C4BPA: variants seen among roughly 807,000 people sequenced by gnomAD.
The protein encoded by C4BPA is C4b-binding protein alpha chain.
C4BPA carries 31 observed loss-of-function variants against 63.7 expected under a neutral mutation model. The observed-to-expected ratio is 0.49, with a 90% CI of 0.37 to 0.66. The LOEUF is 0.66. C4BPA is among the 30% of genes least tolerant of loss of function. The pLI is 0.00. For missense variants in C4BPA, 572 were observed against 723.3 expected (o/e 0.79, Z 2.40); for synonymous variants, 259 against 254.7 (o/e 1.02, Z -0.16).
chr1:207,121,419 T>C (rs1558090619), intron 4 of C4BPA, among the ~76,000 whole-genome samples: 2 of 148,850 alleles, frequency 1.3e-5, no homozygotes, highest in East Asian at 2.0e-4. Flanking sequence ...GTCCAACTTA[T>C]GGGATATTAA....
chr1:207,105,777 T>C (rs1684547993), intron 1 of C4BPA, among the ~76,000 whole-genome samples: 1 of 152,164 alleles, frequency 6.6e-6, no homozygotes, highest in Non-Finnish European at 1.5e-5. Flanking sequence ...AAAAAGTAAC[T>C]TCTCATGGAA....
intron 10 of C4BPA, 49 bp from the exon 11 acceptor site, chr1:207,143,769 T>G (rs1365292974): frequency 1.6e-6 from 2 of 1,285,130 alleles, no homozygotes; most frequent in Non-Finnish European, 2.3e-6. Flanking sequence ...TGTTATCATG[T>G]CCTTCTTCAT....
intron 2 of C4BPA, among the ~76,000 whole-genome samples, 158 bp downstream of exon 2, chr1:207,113,325 C>T (rs1448118354): frequency 6.6e-6 from 1 of 152,206 alleles, no homozygotes; most frequent in African/African-American, 2.4e-5. Context: ...GGGAAATTTG[C>T]TTTACACATA....
At chr1:207,120,804 C>A (rs1462933266) in intron 4 of C4BPA, among the ~76,000 whole-genome samples, 5 of 152,152 alleles carry the variant, frequency 3.3e-5, no homozygotes, top group Non-Finnish European at 7.4e-5. Context: ...GCTATATACA[C>A]ATCAGATTTA....
intron 10 of C4BPA, 47 bp downstream of exon 10, chr1:207,141,323 TC>T: frequency 6.7e-7 from 1 of 1,483,038 alleles, no homozygotes; most frequent in Non-Finnish European, 9.2e-7. Flanking sequence ...GGTGGACGTG[TC>T]CTGAGAGCAC....
chr1:207,141,867 T>C (rs1048147191), intron 10 of C4BPA, among the ~76,000 whole-genome samples: 1 of 152,110 alleles, frequency 6.6e-6, no homozygotes, highest in African/African-American at 2.4e-5. Context: ...AAAACTTCAG[T>C]ATTTATTTGC....
intron 10 of C4BPA, among the ~76,000 whole-genome samples, chr1:207,143,540 T>A (rs1031536999): frequency 3.3e-4 from 50 of 152,104 alleles, no homozygotes; most frequent in African/African-American, 1.1e-3. Flanking sequence ...TGAGCAAGTG[T>A]CTTAATGTAT....
rs141497046 is a variant in C4BPA, at chr1:207,143,988, G to C, written c.1615G>C (p.Glu539Gln). The change falls in exon 11 of 12, where the codon GAG (glutamate) becomes CAG (glutamine). Residue 539 changes from glutamate (E) to glutamine (Q), a missense_variant. Around this residue, in one of 2 missense-constraint regions of C4BPA, gnomAD observed 465 missense variants for 629.4 expected, o/e 0.74. Coordinates refer to ENST00000367070, the MANE Select transcript of C4BPA (RefSeq NM_000715.4). ...CTGGTACCCAGAGGTGCCCAAGTGT[G>C]AGTGGGTAAGTGGCACAATTCAAGG... The part of the protein sequence containing the change: ...RTWYPEVPKC[E>Q]WETPEGCEQV... The C allele has an allele frequency of 4.0e-4, 636 of 1,571,112 alleles. 3 individuals carry two copies. Among genetic ancestry groups the C allele is most frequent in the Non-Finnish European group, 7.4e-5 (86 of 1,162,000 alleles).
At chr1:207,119,424 A>G (rs1349810580) in intron 4 of C4BPA, among the ~76,000 whole-genome samples, 1 of 93,612 alleles carries the variant, frequency 1.1e-5, no homozygotes, top group Non-Finnish European at 2.6e-5. Context: ...AAACATAATT[A>G]CAGCTTAGCT....
intron 4 of C4BPA, among the ~76,000 whole-genome samples, chr1:207,121,875 A>G (rs1257739135): frequency 6.6e-6 from 1 of 152,036 alleles, no homozygotes; most frequent in Non-Finnish European, 1.5e-5. Flanking sequence ...GTAAATTTGT[A>G]TCATTTGTAT....
At chr1:207,137,629 T>G (rs1685314282) in intron 9 of C4BPA, among the ~76,000 whole-genome samples, 1 of 151,920 alleles carries the variant, frequency 6.6e-6, no homozygotes, top group Non-Finnish European at 1.5e-5. Flanking sequence ...TTGTTTTGTT[T>G]TGTTTTGAGA....
intron 10 of C4BPA, among the ~76,000 whole-genome samples, chr1:207,142,062 C>T (rs1303262128): frequency 6.6e-6 from 1 of 152,050 alleles, no homozygotes; most frequent in Non-Finnish European, 1.5e-5. Flanking sequence ...AATGTTATCT[C>T]TCCCCTTGCC....
chr1:207,104,675 AAAG>A (rs1684524806), intron 1 of C4BPA, among the ~76,000 whole-genome samples: 1 of 152,352 alleles, frequency 6.6e-6, no homozygotes, highest in Admixed American at 6.5e-5. Flanking sequence ...AAAATAAGCT[AAAG>A]AAGAAGAGGT....
At chr1:207,135,416 G>A (rs535748943) in intron 9 of C4BPA, among the ~76,000 whole-genome samples, 2 of 152,210 alleles carry the variant, frequency 1.3e-5, no homozygotes, top group Admixed American at 6.5e-5. Context: ...TAGCAATGGT[G>A]AGGGCTCATT....
intron 3 of C4BPA, among the ~76,000 whole-genome samples, chr1:207,115,118 G>A (rs1684756531): frequency 6.6e-6 from 1 of 152,122 alleles, no homozygotes; most frequent in African/African-American, 2.4e-5. Flanking sequence ...ACATGCCATA[G>A]ACATAGAATG....
intron 5 of C4BPA, 36 bp from the exon 6 acceptor site, chr1:207,124,139 G>A (rs2842707): frequency 5.3e-5 from 84 of 1,586,420 alleles, no homozygotes; most frequent in Middle Eastern, 5.0e-4. Context: ...TGATGCCTTC[G>A]CTGAGTATTT....
At chr1:207,129,111 A>G (rs554019314) in intron 7 of C4BPA, among the ~76,000 whole-genome samples, 3 of 152,292 alleles carry the variant, frequency 2.0e-5, no homozygotes, top group Non-Finnish European at 4.4e-5. Flanking sequence ...AATTATTTTA[A>G]AAAGAAATGG....
chr1:207,115,544 C>T, intron 4 of C4BPA, 29 bp downstream of exon 4: 1 of 1,185,824 alleles, frequency 8.4e-7, no homozygotes, highest in East Asian at 2.7e-5. Flanking sequence ...ATGAACAATT[C>T]TTTTATATTT....
At position 207,114,086 on chromosome 1, in the gene C4BPA, A is replaced by C. The variant is rs893916409; in HGVS notation, c.143-14A>C. 7 of 1,607,686 alleles carry C rather than the reference A, an allele frequency of 4.4e-6. No homozygotes were observed. The highest frequency in any genetic ancestry group is 1.3e-5 in the African/African-American group (1 of 74,612). On this transcript the variant is annotated splice_polypyrimidine_tract_variant and intron_variant, in intron 2 of 11. Transcript: ENST00000367070. ...GGTATAAGTTTTGGTGCTCCTTCTC[A>C]TTTTGGTGTCCAGGCAATTGTGGTC...
Sources: allele counts gnomAD v4.1 joint callset (sites outside exome capture counted in the v4.1 genomes callset), GRCh38; gene constraint gnomAD v4.1.1; regional missense constraint gnomAD v4.1.1; transcripts MANE v1.5; gene names NCBI Gene and HGNC (gene_info 2026-07-23, HGNC 2026-07-21).